ADAMTS7: variants seen among roughly 807,000 people sequenced by gnomAD.
The protein encoded by ADAMTS7 is ADAM metallopeptidase with thrombospondin type 1 motif 7, also known as A disintegrin and metalloproteinase with thrombospondin motifs 7.
A neutral mutation model predicts 172.6 loss-of-function variants in ADAMTS7; 89 were observed. That is an observed-to-expected ratio of 0.52 (90% confidence interval 0.43 to 0.61). The LOEUF is 0.61. ADAMTS7 is among the 20% of genes least tolerant of loss of function. ADAMTS7 has a pLI of 0.00. For synonymous variants in ADAMTS7, 885 were observed against 978.4 expected (o/e 0.90, Z 1.78); for missense variants, 1,973 against 2,355.6 (o/e 0.84, Z 3.36).
chr15:78,766,347 G>A lies in ADAMTS7; in HGVS notation c.3564C>T (p.Ala1188=), dbSNP rs529442503. 2.4e-5 allele frequency: 39 copies of A among 1,610,914 alleles called. No homozygotes were observed. In the East Asian group the frequency reaches 6.5e-4, roughly 27 times the overall value. The change falls in exon 19 of 24, where the codon GCC becomes GCT. Residue 1188 remains alanine, a synonymous_variant. Transcript: ENST00000388820. ...GGAAATCATTTTGGCTCTCAGGGGT[G>A]GCAGGTGTCTGCAGGCCATCAGTGG... The part of the protein sequence containing the change: ...RVSTDGLQTP[A]TPESQNDFPV...
chr15:78,775,414 C>T (rs866984062), intron 11 of ADAMTS7, among the ~76,000 whole-genome samples: 4 of 152,060 alleles, frequency 2.6e-5, no homozygotes, highest in African/African-American at 4.8e-5. Context: ...CTTGGGTAAG[C>T]GCAGGGCCCT....
chr15:78,764,983 C>A (rs1288514610), intron 19 of ADAMTS7: 7 of 364,354 alleles, frequency 1.9e-5, no homozygotes, highest in Non-Finnish European at 3.4e-5. Context: ...GGGGAGGGGA[C>A]CCTGTGGGCA....
In ADAMTS7 at chr15:78,767,586, C is replaced by T; in HGVS notation, c.2652G>A (p.Trp884Ter). 1.3e-6 allele frequency: 2 copies of T among 1,542,856 alleles called. No homozygotes were observed. The highest frequency in any genetic ancestry group is 1.8e-6 in the Non-Finnish European group (2 of 1,142,838). The change falls in exon 18 of 24, where the codon TGG (tryptophan) becomes TGA (stop). Residue 884 changes from tryptophan to a stop codon, truncating the protein, a stop_gained. Transcript: ENST00000388820. LOFTEE classifies it high-confidence loss of function. ...CSEQPCPARWWAGEWQLCSSS... is the reference protein window; with the variant it reads ...CSEQPCPARW ...TGGAGCACAGCTGCCACTCACCTGC[C>T]CACCACCTGGCGAGGGCACACAGGT...
rs531188426 is a variant in ADAMTS7 at position 78,759,586 on chromosome 15, G to C, written c.4904-8C>G. The C allele has an allele frequency of 2.5e-4, 386 of 1,571,138 alleles. No individual in the cohort carries two copies. The highest frequency in any genetic ancestry group is 9.1e-4 in the Middle Eastern group (4 of 4,380). Reference sequence around the variant, plus strand: ...GGCGGTCCCGCTCACAGCCTGGAGTGGGGGGGCAGAGAGGCATCAGAACCA... The same window carrying C: ...GGCGGTCCCGCTCACAGCCTGGAGTCGGGGGGCAGAGAGGCATCAGAACCA... On this transcript the variant is annotated splice_polypyrimidine_tract_variant and splice_region_variant and intron_variant, in intron 23 of 23. Transcript: ENST00000388820.
Position 78,778,857 on chromosome 15 carries a change from G to A in ADAMTS7, c.1323-1269C>T, listed in dbSNP as rs148527838. ...GATAGATCCTGGAGTCCAGCAGGGA[G>A]AGAAAGAGACACTCCGAGATGTGGA... On this transcript the variant is annotated intron_variant, in intron 8 of 23. Transcript: ENST00000388820. 2.6e-3 allele frequency among the ~76,000 whole-genome samples: 390 copies of A among 152,258 alleles called. 1 individual carries two copies. Among genetic ancestry groups the A allele is most frequent in the African/African-American group, 9.1e-3 (380 of 41,552 alleles).
In ADAMTS7 at chr15:78,766,976, C is replaced by T. The variant is rs142824118; in HGVS notation, c.2935G>A (p.Glu979Lys). Residue 979 changes from glutamate (E) to lysine (K), a missense_variant, in exon 19 of 24, where the codon GAG (glutamate) becomes AAG (lysine). Physicochemically the swap from Glu to Lys is moderately conservative, Grantham distance 56. Around this residue, in one of 8 missense-constraint regions of ADAMTS7, gnomAD observed 771 missense variants for 952.6 expected, o/e 0.81. Coordinates refer to ENST00000388820, the MANE Select transcript of ADAMTS7 (RefSeq NM_014272.5). Reference protein sequence around the residue: ...CTNDTGVPCDEAQQPASEVTC... With the variant: ...CTNDTGVPCDKAQQPASEVTC... The stretch of plus-strand genomic sequence containing the variant: ...ACTTCGCTGGCTGGCTGCTGGGCCT[C>T]GTCACAGGGGACACCGGTGTCATTG... 7.1e-3 allele frequency: 11,440 copies of T among 1,609,352 alleles called. 67 individuals carry two copies. The highest frequency in any genetic ancestry group is 8.4e-3 in the Non-Finnish European group (9,915 of 1,178,512).
At chr15:78,761,253 T>C (rs1004191759) in intron 23 of ADAMTS7, among the ~76,000 whole-genome samples, 1 of 152,136 alleles carries the variant, frequency 6.6e-6, no homozygotes, top group Non-Finnish European at 1.5e-5. Context: ...GAAGGCAGCG[T>C]TGGACAAGGG....
chr15:78,767,488 C>G lies in ADAMTS7; in HGVS notation c.2750G>C (p.Ser917Thr). The change falls in exon 18 of 24, where the codon AGC becomes ACC. Residue 917 changes from serine to threonine, a missense_variant. Physicochemically the swap from Ser to Thr is moderately conservative, Grantham distance 58. Coordinates refer to ENST00000388820, the MANE Select transcript of ADAMTS7 (RefSeq NM_014272.5). ...TTCACAGGCGGGTGGCTCCAGGGCG[C>G]TCTGCTCATCCAGCCCCACGCTGCG... ...CIRSVGLDEQ[S>T]ALEPPACEHL... 1.9e-6 allele frequency: 3 copies of G among 1,610,680 alleles called. No homozygotes were observed. Among genetic ancestry groups the G allele is most frequent in the Non-Finnish European group, 2.5e-6 (3 of 1,179,492 alleles).
chr15:78,776,080 G>A, intron 11 of ADAMTS7, 108 bp downstream of exon 11: 8 of 1,394,246 alleles, frequency 5.7e-6, no homozygotes, highest in Non-Finnish European at 6.7e-6. Context: ...CCATTATCAG[G>A]ACACTTCTAA....
intron 16 of ADAMTS7, among the ~76,000 whole-genome samples, chr15:78,768,626 T>C (rs1356153733): frequency 2.0e-5 from 3 of 152,324 alleles, no homozygotes; most frequent in Middle Eastern, 3.4e-3. Flanking sequence ...GCCTCCTCCA[T>C]GTCCTGGAGG....
chr15:78,798,193 C>A, intron 2 of ADAMTS7, 80 bp from the exon 3 acceptor site: 1 of 1,386,274 alleles, frequency 7.2e-7, no homozygotes, highest in South Asian at 1.5e-5. Flanking sequence ...GCCCGTCCTG[C>A]TCAGCTGAGC....
intron 8 of ADAMTS7, among the ~76,000 whole-genome samples, chr15:78,787,135 G>A: frequency 6.6e-6 from 1 of 151,958 alleles, no homozygotes; most frequent in Middle Eastern, 3.2e-3. Context: ...TCAACAGTAG[G>A]CTATTAGCAG....
At chr15:78,783,737 G>A (rs970954156) in intron 8 of ADAMTS7, among the ~76,000 whole-genome samples, 1 of 152,118 alleles carries the variant, frequency 6.6e-6, no homozygotes, top group Non-Finnish European at 1.5e-5. Context: ...AGGATCAAAA[G>A]GTGCACAGGT....
intron 13 of ADAMTS7, 30 bp from the exon 14 acceptor site, chr15:78,773,233 G>A: frequency 7.2e-7 from 1 of 1,396,988 alleles, no homozygotes; most frequent in Non-Finnish European, 9.9e-7. Flanking sequence ...GAGGGCCCTG[G>A]TGCTGGCGGC....
Position 78,791,122 on chromosome 15 carries a change from G to A in ADAMTS7, c.903+18C>T, listed in dbSNP as rs202190837. On this transcript the variant is annotated intron_variant, in intron 5 of 23. Transcript: ENST00000388820. ...CCGAAGCCATTGCCGGGCAGCGTGGGACCACATGACCACTCACCTCCTCAT... is the reference window on the plus strand; with the variant it reads ...CCGAAGCCATTGCCGGGCAGCGTGGAACCACATGACCACTCACCTCCTCAT... The A allele has an allele frequency of 5.4e-4, 873 of 1,610,210 alleles. No homozygotes were observed. The highest frequency in any genetic ancestry group is 5.8e-4 in the Non-Finnish European group (684 of 1,177,894).
At chr15:78,782,056 T>C (rs758151608) in intron 8 of ADAMTS7, among the ~76,000 whole-genome samples, 1 of 151,928 alleles carries the variant, frequency 6.6e-6, no homozygotes, top group African/African-American at 2.4e-5. Flanking sequence ...TTTCCCAAGA[T>C]GGTCTTGCCC....
intron 6 of ADAMTS7, among the ~76,000 whole-genome samples, chr15:78,790,267 C>A (rs930332558): frequency 1.2e-4 from 19 of 152,050 alleles, no homozygotes; most frequent in African/African-American, 4.6e-4. Context: ...GGTGAACCCA[C>A]AATGATGAAA....
At chr15:78,787,695 C>G (rs1478405092) in intron 8 of ADAMTS7, among the ~76,000 whole-genome samples, 1 of 152,026 alleles carries the variant, frequency 6.6e-6, no homozygotes, top group Non-Finnish European at 1.5e-5. Context: ...AACAAAAACA[C>G]CAGAACAAAT....
chr15:78,800,239 G>C lies in ADAMTS7; in HGVS notation c.409C>G (p.Pro137Ala), dbSNP rs988829833. Residue 137 changes from proline (P) to alanine (A), a missense_variant, in exon 2 of 24, where the codon CCT (proline) becomes GCT (alanine). By Grantham distance (27) the Pro-to-Ala change is conservative. Transcript: ENST00000388820. The part of the protein sequence containing the change: ...ACHLLGEVQD[P>A]ELEGGLAAIS... ...GCCGCCAGGCCACCCTCGAGCTCAG[G>C]GTCCTGCACCTCGCCAAGCAGGTGG... 1 of 1,594,986 alleles carries C rather than the reference G, an allele frequency of 6.3e-7. No homozygotes were observed. Among genetic ancestry groups the C allele is most frequent in the Non-Finnish European group, 8.5e-7 (1 of 1,178,714 alleles).
Sources: allele counts gnomAD v4.1 joint callset (sites outside exome capture counted in the v4.1 genomes callset), GRCh38; gene constraint gnomAD v4.1.1; regional missense constraint gnomAD v4.1.1; transcripts MANE v1.5; gene names NCBI Gene and HGNC (gene_info 2026-07-23, HGNC 2026-07-21).